The following VWF variants were observed in gnomAD, a reference collection of about 807,000 sequenced individuals.
VWF encodes von Willebrand factor.
In VWF, 176 loss-of-function variants were observed where a neutral mutation model predicts 308.6. The observed-to-expected ratio is 0.57, with a 90% CI of 0.50 to 0.65. The LOEUF is 0.65. Among genes scored for constraint, VWF ranks in the 30% least tolerant of loss-of-function variants. The pLI is 0.00. For missense variants in VWF, 3,146 were observed against 3,648.2 expected (o/e 0.86, Z 3.55); for synonymous variants, 1,385 against 1,443.4 (o/e 0.96, Z 0.92).
chr12:6,085,528 T>C (rs1944958677), intron 6 of VWF, among the ~76,000 whole-genome samples: 1 of 152,186 alleles, frequency 6.6e-6, no homozygotes, highest in African/African-American at 2.4e-5. Flanking sequence ...GGAACCCACC[T>C]GAGAAATAGT....
rs1253742420 is a variant in VWF, at chr12:6,019,415, T to C, written c.4003A>G (p.Lys1335Glu). ...SHAYIGLKDR[K>E]RPSELRRIAS... The stretch of plus-strand genomic sequence containing the variant: ...ATGCGCCGCAGCTCTGACGGTCGCT[T>C]CCGGTCCTTGAGCCCGATGTAGGCG... Residue 1335 changes from lysine (K) to glutamate (E), a missense_variant, in exon 28 of 52, where the codon AAG becomes GAG. Coordinates refer to ENST00000261405, the MANE Select transcript of VWF (RefSeq NM_000552.5). This position sits in a 1 kb window ranked among gnomAD's most constrained non-coding sequence, Gnocchi z 5.8. The C allele has an allele frequency of 6.2e-7, 1 of 1,613,944 alleles. No homozygotes were observed. Among genetic ancestry groups the C allele is most frequent in the Non-Finnish European group, 8.5e-7 (1 of 1,179,864 alleles).
chr12:6,002,431 T>A (rs910685628), intron 34 of VWF, among the ~76,000 whole-genome samples: 1 of 151,974 alleles, frequency 6.6e-6, no homozygotes. Context: ...TATAAAAGAT[T>A]ACTGTGAAAA....
intron 6 of VWF, among the ~76,000 whole-genome samples, chr12:6,085,467 C>A (rs1329304057): frequency 1.3e-5 from 2 of 152,132 alleles, no homozygotes; most frequent in Non-Finnish European, 2.9e-5. Flanking sequence ...TTATGGGCAC[C>A]ATCAGATTCT....
At chr12:5,958,797 A>C (rs1414649225) in intron 47 of VWF, among the ~76,000 whole-genome samples, 1 of 152,196 alleles carries the variant, frequency 6.6e-6, no homozygotes, top group Admixed American at 6.5e-5. Flanking sequence ...TGGATAAATG[A>C]TAGTAGATAC....
intron 5 of VWF, among the ~76,000 whole-genome samples, chr12:6,106,926 C>T (rs1321260268): frequency 7.0e-6 from 1 of 143,674 alleles, no homozygotes; most frequent in Non-Finnish European, 1.5e-5. Flanking sequence ...TTACATGTAT[C>T]ATAGCACAAT....
chr12:6,043,579 C>T (rs1159430389), intron 18 of VWF, among the ~76,000 whole-genome samples: 3 of 152,234 alleles, frequency 2.0e-5, no homozygotes, highest in Non-Finnish European at 4.4e-5. Flanking sequence ...TTTAATACAA[C>T]GCTGGCTAAG....
In VWF at chr12:6,124,669, C is replaced by G. The variant is rs1243365188; in HGVS notation, c.-249G>C. The G allele has an allele frequency of 6.6e-6, 1 of 152,338 alleles. No individual in the cohort carries two copies. Among genetic ancestry groups the G allele is most frequent in the East Asian group, 1.9e-4 (1 of 5,206 alleles). The allele number at this position is 152,338 out of a possible 1,614,324, so 9.4% of individuals were successfully genotyped here. On this transcript the variant is annotated 5_prime_UTR_variant, in exon 1 of 52. Coordinates refer to ENST00000261405, the MANE Select transcript of VWF (RefSeq NM_000552.5). ...CCTTTCCCACCACAATAGCTGTGAG[C>G]TGCCACAACAGGGGATTGGCCTCCT...
chr12:6,011,292 T>G (rs948303777), intron 34 of VWF, among the ~76,000 whole-genome samples: 4 of 152,248 alleles, frequency 2.6e-5, no homozygotes, highest in Admixed American at 1.3e-4. Flanking sequence ...TGCTATACCC[T>G]GAATACACAG....
Position 5,981,960 on chromosome 12 carries a change from G to A in VWF, c.7113C>T (p.Ser2371=). The A allele has an allele frequency of 6.2e-7, 1 of 1,613,496 alleles. No homozygotes were observed. The highest frequency in any genetic ancestry group is 8.5e-7 in the Non-Finnish European group (1 of 1,179,904). Reference sequence around the variant, plus strand: ...AACGGTGCGGGGGGCAGGAGGGTGGGGACACTCTTTTGCACTCCTCCTTCC... The same window carrying A: ...AACGGTGCGGGGGGCAGGAGGGTGGAGACACTCTTTTGCACTCCTCCTTCC... ...ACRKEECKRV[S]PPSCPPHRLP... is the part of the protein sequence containing the mutation. The change falls in exon 42 of 52, where the codon TCC becomes TCT. Residue 2371 remains serine, a synonymous_variant. Coordinates refer to ENST00000261405, the MANE Select transcript of VWF (RefSeq NM_000552.5).
Position 6,118,983 on chromosome 12 carries a change from G to A in VWF, c.220+2191C>T, listed in dbSNP as rs550892370. Among the ~76,000 whole-genome samples the A allele has an allele frequency of 1.7e-4, 26 of 152,306 alleles. No homozygotes were observed. The South Asian group carries it at 5.2e-3, about 30-fold the overall frequency. On this transcript the variant is annotated intron_variant, in intron 3 of 51. Transcript: ENST00000261405. ...TTTCTTATTTGTCATGCCCTGGGGCGCCTCTGGCCTTTTCACTACCTCCCT... is the reference window on the plus strand; with the variant it reads ...TTTCTTATTTGTCATGCCCTGGGGCACCTCTGGCCTTTTCACTACCTCCCT...
chr12:6,029,854 C>T (rs897615844), intron 21 of VWF, among the ~76,000 whole-genome samples: 3 of 152,186 alleles, frequency 2.0e-5, no homozygotes, highest in African/African-American at 7.2e-5. Flanking sequence ...TGATTTTAAG[C>T]ATCTCTAGTT....
chr12:5,969,478 T>C, intron 44 of VWF, 87 bp from the exon 45 acceptor site: 1 of 1,540,278 alleles, frequency 6.5e-7, no homozygotes, highest in Non-Finnish European at 8.9e-7. Context: ...CTCAGGAAGG[T>C]GGTTTCTAGA....
Position 6,052,670 on chromosome 12 carries a change from A to G in VWF, c.2059T>C (p.Cys687Arg). Residue 687 changes from cysteine (C) to arginine (R), a missense_variant, in exon 16 of 52, where the codon TGC (cysteine) becomes CGC (arginine). Coordinates refer to ENST00000261405, the MANE Select transcript of VWF (RefSeq NM_000552.5). ...EECNEACLEGCFCPPGLYMDE... is the reference protein window; with the variant it reads ...EECNEACLEGRFCPPGLYMDE... ...ATGTAGAGCCCTGGGGGGCAGAAGCAGCCCTCCAGGCAGGCCTCATTGCAT... is the reference window on the plus strand; with the variant it reads ...ATGTAGAGCCCTGGGGGGCAGAAGCGGCCCTCCAGGCAGGCCTCATTGCAT... 6.2e-7 allele frequency: 1 copy of G among 1,614,250 alleles called. No homozygotes were observed. The highest frequency in any genetic ancestry group is 8.5e-7 in the Non-Finnish European group (1 of 1,180,046).
chr12:6,118,472 C>A (rs566337188), intron 3 of VWF, among the ~76,000 whole-genome samples: 1 of 150,284 alleles, frequency 6.7e-6, no homozygotes. Flanking sequence ...ACAGCAACCT[C>A]CACCTCCCAA....
chr12:6,092,263 C>T (rs1252826197), intron 6 of VWF, among the ~76,000 whole-genome samples: 2 of 152,178 alleles, frequency 1.3e-5, no homozygotes, highest in Admixed American at 1.3e-4. Flanking sequence ...TATACCCTCT[C>T]CCTCGCTAAC....
At position 5,949,883 on chromosome 12, in the gene VWF, C is replaced by A. The variant is rs1315438499; in HGVS notation, c.8156G>T (p.Cys2719Phe). 1.2e-6 allele frequency: 2 copies of A among 1,613,132 alleles called. No homozygotes were observed. The highest frequency in any genetic ancestry group is 1.1e-5 in the South Asian group (1 of 91,076). The part of the protein sequence containing the change: ...MKIPGTCCDT[C>F]EEPECNDITA... The stretch of plus-strand genomic sequence containing the variant: ...GATGTCGTTGCACTCAGGCTCCTCA[C>A]CTACAGGACAGGTGAGAGATGAAAC... The change falls in exon 51 of 52, where the codon TGT becomes TTT. Residue 2719 changes from cysteine (C) to phenylalanine (F), a missense_variant and splice_region_variant. Cys to Phe is a radical substitution (Grantham distance 205). This residue lies in a region of VWF where 989 missense variants were observed against 1,117.4 expected (regional missense o/e 0.89). Coordinates refer to ENST00000261405, the MANE Select transcript of VWF (RefSeq NM_000552.5).
At chr12:6,057,485 T>TATC (rs1491208407) in intron 14 of VWF, among the ~76,000 whole-genome samples, 2 of 75,962 alleles carry the variant, frequency 2.6e-5, no homozygotes, top group Admixed American at 2.3e-4. Context: ...GCAAATTTAT[T>TATC]ATTATTATTA....
rs1403877441 is a variant in VWF at position 6,046,700 on chromosome 12, C to T, written c.2281+23G>A. The T allele has an allele frequency of 1.2e-6, 2 of 1,610,756 alleles. No individual in the cohort carries two copies. The highest frequency in any genetic ancestry group is 1.7e-5 in the Admixed American group (1 of 60,024). Reference sequence around the variant, plus strand: ...ATCTGGGCAGGATGGAGTCAATGGGCCTTCCAGGGGGACAGTACTCACTGC... The same window carrying T: ...ATCTGGGCAGGATGGAGTCAATGGGTCTTCCAGGGGGACAGTACTCACTGC... On this transcript the variant is annotated intron_variant, in intron 17 of 51. Transcript: ENST00000261405. This position sits in a 1 kb window ranked among gnomAD's most constrained non-coding sequence, Gnocchi z 5.0.
intron 18 of VWF, among the ~76,000 whole-genome samples, chr12:6,040,218 G>T (rs1173094527): frequency 6.6e-6 from 1 of 152,142 alleles, no homozygotes; most frequent in African/African-American, 2.4e-5. Context: ...GTGGTAGCAG[G>T]TAATATTCTA....
Sources: gnomAD v4.1 joint callset for allele counts (sites outside exome capture counted in the v4.1 genomes callset) on GRCh38, gnomAD v4.1.1 for gene constraint, gnomAD v4.1.1 regional missense constraint, Gnocchi (gnomAD v3.1) non-coding constraint, MANE v1.5 for transcripts, NCBI Gene and HGNC (gene_info 2026-07-23, HGNC 2026-07-21) for gene names.